Variants in TMCO1 observed in about 807,000 individuals in gnomAD.
TMCO1 encodes calcium load-activated calcium channel.
In TMCO1, 29 loss-of-function variants were observed where a neutral mutation model predicts 29.3. That is an observed-to-expected ratio of 0.99 (90% CI 0.74 to 1.35). The LOEUF (loss-of-function observed/expected upper bound fraction) is 1.35, where lower values mean the gene tolerates loss of function less well. Ranked by LOEUF, TMCO1 falls within the 40% of genes most tolerant of loss-of-function variation. TMCO1 has a pLI of 0.00. For synonymous variants in TMCO1, 80 were observed against 77.1 expected, an observed-to-expected ratio of 1.04 and a Z score of -0.20; for missense variants, 173 against 225.5, an observed-to-expected ratio of 0.77 and a Z score of 1.49.
At chr1:165,766,520 G>T (rs1181065987) in intron 2 of TMCO1, among the ~76,000 whole-genome samples, 1 of 152,200 alleles carries the variant, frequency 6.6e-6, no homozygotes, top group Non-Finnish European at 1.5e-5. Flanking sequence ...GGGCACTGTG[G>T]TTCATGCCTG....
At chr1:165,759,712 G>A (rs1652330017) in intron 2 of TMCO1, 128 bp from the exon 3 acceptor site, 2 of 748,190 alleles carry the variant, frequency 2.7e-6, no homozygotes, top group African/African-American at 1.8e-5. Context: ...TTATGGTCAT[G>A]ATTAAGTTAA....
chr1:165,768,320 A>G, intron 1 of TMCO1, 51 bp from the exon 2 acceptor site: 1 of 1,573,054 alleles, frequency 6.4e-7, no homozygotes, highest in South Asian at 1.1e-5. Context: ...GAATGATCAC[A>G]ACAAACAAAG....
intron 3 of TMCO1, among the ~76,000 whole-genome samples, 172 bp downstream of exon 3, chr1:165,759,353 A>G (rs931847454): frequency 6.6e-6 from 1 of 152,212 alleles, no homozygotes; most frequent in African/African-American, 2.4e-5. Context: ...TTTGTCCTGT[A>G]CACCTCACAA....
intron 6 of TMCO1, among the ~76,000 whole-genome samples, chr1:165,735,511 A>ATT (rs34062484): frequency 2.7e-5 from 3 of 110,302 alleles, no homozygotes; most frequent in Non-Finnish European, 5.7e-5. Flanking sequence ...TCTCTGCTTA[A>ATT]TTTTTTTTTT....
chr1:165,750,265 C>T (rs539719875), intron 5 of TMCO1, among the ~76,000 whole-genome samples: 5 of 152,104 alleles, frequency 3.3e-5, no homozygotes, highest in Non-Finnish European at 7.4e-5. Flanking sequence ...CCTGGCCAGG[C>T]GCAATGGCTC....
At chr1:165,763,276 T>C (rs957875880) in intron 2 of TMCO1, among the ~76,000 whole-genome samples, 3 of 152,350 alleles carry the variant, frequency 2.0e-5, no homozygotes, top group African/African-American at 7.2e-5. Flanking sequence ...AAATTTACCT[T>C]ATATTTTTCC....
chr1:165,752,638 C>A (rs1652046015), intron 4 of TMCO1, among the ~76,000 whole-genome samples: 1 of 151,052 alleles, frequency 6.6e-6, no homozygotes, highest in Non-Finnish European at 1.5e-5. Context: ...ACTAAAAATA[C>A]AAAAAATTAG....
chr1:165,765,855 G>A (rs767332454), intron 2 of TMCO1, among the ~76,000 whole-genome samples: 1 of 152,208 alleles, frequency 6.6e-6, no homozygotes, highest in African/African-American at 2.4e-5. Context: ...TTTCTGCTGA[G>A]TGAAAGGGAC....
At chr1:165,730,063 T>C (rs1485630867) in intron 6 of TMCO1, among the ~76,000 whole-genome samples, 4 of 151,540 alleles carry the variant, frequency 2.6e-5, no homozygotes, top group African/African-American at 9.7e-5. Flanking sequence ...GGCTCACGCC[T>C]GTAATCCCAG....
rs76436126 is a variant in TMCO1 at position 165,727,587 on chromosome 1, T to C, written c.*436A>G. On this transcript the variant is annotated 3_prime_UTR_variant, in exon 7 of 7. Coordinates refer to ENST00000367881, the MANE Select transcript of TMCO1 (RefSeq NM_019026.6). ...TGGCCTCTTTATTGATCTTATGTCA[T>C]GTATTTGGCTTGAAAAAAAAACAAC... 3.6e-4 allele frequency: 165 copies of C among 453,324 alleles called. 1 individual carries two copies. In the East Asian group the frequency reaches 9.2e-3, roughly 25 times the overall value. 28.1% of individuals were successfully genotyped at this position (453,324 alleles called of 1,614,324 possible).
chr1:165,733,925 G>A (rs183678346), intron 6 of TMCO1, among the ~76,000 whole-genome samples: 20 of 152,266 alleles, frequency 1.3e-4, no homozygotes, highest in African/African-American at 3.4e-4. Flanking sequence ...ATCAAGAAAC[G>A]GAAGTTGTTG....
chr1:165,764,671 G>T (rs1652508946), intron 2 of TMCO1, among the ~76,000 whole-genome samples: 1 of 152,210 alleles, frequency 6.6e-6, no homozygotes, highest in African/African-American at 2.4e-5. Flanking sequence ...GAGAGAATAT[G>T]ATACAAGATG....
intron 4 of TMCO1, among the ~76,000 whole-genome samples, chr1:165,753,675 G>A (rs567773142): frequency 1.3e-5 from 2 of 152,044 alleles, no homozygotes; most frequent in African/African-American, 4.8e-5. Context: ...TTAGCCGGGC[G>A]TGGTGTACTC....
At chr1:165,761,834 A>C (rs1652417416) in intron 2 of TMCO1, among the ~76,000 whole-genome samples, 2 of 151,944 alleles carry the variant, frequency 1.3e-5, no homozygotes, top group African/African-American at 4.8e-5. Context: ...CTGTGGTCCC[A>C]GCTACTCAGG....
intron 6 of TMCO1, among the ~76,000 whole-genome samples, chr1:165,734,798 C>T (rs565228576): frequency 2.0e-3 from 308 of 152,288 alleles, no homozygotes; most frequent in Non-Finnish European, 3.5e-3. Context: ...CCACCGCGCT[C>T]GGCCCATCGT....
intron 4 of TMCO1, among the ~76,000 whole-genome samples, chr1:165,752,807 T>C (rs79914171): frequency 6.7e-6 from 1 of 150,330 alleles, no homozygotes; most frequent in Non-Finnish European, 1.5e-5. Context: ...AAAAAAAAAA[T>C]AGTACTCCTT....
chr1:165,727,405 T>C lies in TMCO1; in HGVS notation c.*618A>G. 1 of 454,050 alleles carries C rather than the reference T, an allele frequency of 2.2e-6. No homozygotes were observed. The highest frequency in any genetic ancestry group is 4.4e-6 in the Non-Finnish European group (1 of 226,786). 28.1% of individuals were successfully genotyped at this position (454,050 alleles called of 1,614,324 possible). A position where few individuals can be genotyped will look rare whatever the true frequency, so the allele number is the denominator to read the frequency against. On this transcript the variant is annotated 3_prime_UTR_variant, in exon 7 of 7. Coordinates refer to ENST00000367881, the MANE Select transcript of TMCO1 (RefSeq NM_019026.6). ...TTTCCAATTCCTACACCAAGACAAC[T>C]CTGTATTTTGAGTATATGAGTCAAG...
intron 2 of TMCO1, among the ~76,000 whole-genome samples, chr1:165,760,546 G>A (rs544339891): frequency 1.3e-5 from 2 of 152,118 alleles, no homozygotes; most frequent in South Asian, 2.1e-4. Flanking sequence ...GCTCACACCT[G>A]TAATTCCAGC....
chr1:165,724,823 A>G (rs1163434084), downstream of TMCO1: 3 of 453,856 alleles, frequency 6.6e-6, no homozygotes, highest in Admixed American at 4.7e-5. Flanking sequence ...GATTACACAT[A>G]TTTTTTAAAG....
Sources: allele counts gnomAD v4.1 joint callset (sites outside exome capture counted in the v4.1 genomes callset), GRCh38; gene constraint gnomAD v4.1.1; transcripts MANE v1.5; gene names NCBI Gene and HGNC (gene_info 2026-07-23, HGNC 2026-07-21).